The following MDC1 variants were observed in gnomAD, a reference collection of about 807,000 sequenced individuals.
MDC1 encodes the protein mediator of DNA damage checkpoint protein 1.
Under a neutral mutation model 142.5 loss-of-function variants are expected in MDC1, and 81 were observed. That is an observed-to-expected ratio of 0.57 (90% CI 0.47 to 0.68). The LOEUF (loss-of-function observed/expected upper bound fraction) is 0.68, where lower values mean the gene tolerates loss of function less well. Among genes scored for constraint, MDC1 ranks in the 30% least tolerant of loss-of-function variants. MDC1 has a pLI of 0.00. For synonymous variants in MDC1, 797 were observed against 968.4 expected, an observed-to-expected ratio of 0.82 and a Z score of 3.29; for missense variants, 2,119 against 2,547.9, an observed-to-expected ratio of 0.83 and a Z score of 3.62.
chr6:30,706,138 G>T, intron 9 of MDC1, 40 bp from the exon 10 acceptor site: 2 of 1,473,982 alleles, frequency 1.4e-6, no homozygotes, highest in African/African-American at 1.4e-5. Context: ...AGGAGGTGGA[G>T]AAAAGAGATA....
In MDC1 at chr6:30,713,909, CAG is replaced by C; in HGVS notation, c.409_410del (p.Leu137AlafsTer29). 1 of 1,613,622 alleles carries C rather than the reference CAG, an allele frequency of 6.2e-7. No homozygotes were observed. Among genetic ancestry groups the C allele is most frequent in the Non-Finnish European group, 8.5e-7 (1 of 1,180,032 alleles). ...TCAGAGGGCCCCGGGAGACAAAGGG[CAG>C]AGAGACATCCAGGCGATGGTACTGG... ...LCQYHRLDVS[L>X]PFVSRGPLTV... On this transcript the variant is annotated frameshift_variant, in exon 3 of 15. Coordinates refer to ENST00000376406, the MANE Select transcript of MDC1 (RefSeq NM_014641.3). LOFTEE classifies it high-confidence loss of function. The surrounding 1 kb of genome is among the most constrained non-coding windows in gnomAD (Gnocchi z 4.9).
At position 30,712,204 on chromosome 6, in the gene MDC1, C is replaced by G; in HGVS notation, c.1738G>C (p.Asp580His). ...AWPLHGDCET[D>H]AEEGTSLTAS... ...GTTAGGGAGGTGCCCTCCTCTGCAT[C>G]TGTTTCACAGTCCCCATGCAGAGGC... is the stretch of plus-strand genomic sequence containing the variant. Residue 580 changes from aspartate to histidine, a missense_variant, in exon 5 of 15, where the codon GAT (aspartate) becomes CAT (histidine). Asp to His is a moderately conservative substitution (Grantham distance 81, BLOSUM62 -1). Coordinates refer to ENST00000376406, the MANE Select transcript of MDC1 (RefSeq NM_014641.3). The surrounding 1 kb of genome is among the most constrained non-coding windows in gnomAD (Gnocchi z 4.7). The G allele has an allele frequency of 6.2e-7, 1 of 1,612,926 alleles. No individual in the cohort carries two copies. Among genetic ancestry groups the G allele is most frequent in the Non-Finnish European group, 8.5e-7 (1 of 1,179,978 alleles).
chr6:30,705,145 G>A lies in MDC1; in HGVS notation c.4038C>T (p.Pro1346=). The stretch of plus-strand genomic sequence containing the variant: ...TCCTGCTCCTAGTGGTCCGAGATGT[G>A]GGCTTAGGGGTGACAGGTTGGTCTG... ...TSTDQPVTPK[P]TSRTTRSRTN... is the part of the protein sequence containing the mutation. The change falls in exon 10 of 15, where the codon CCC becomes CCT. Residue 1346 remains proline (P), a synonymous_variant. Coordinates refer to ENST00000376406, the MANE Select transcript of MDC1 (RefSeq NM_014641.3). 1 of 1,607,472 alleles carries A rather than the reference G, an allele frequency of 6.2e-7. No individual in the cohort carries two copies. Among genetic ancestry groups the A allele is most frequent in the Non-Finnish European group, 8.5e-7 (1 of 1,177,314 alleles).
rs1425932742 is a variant in MDC1 at position 30,704,801 on chromosome 6, G to T, written c.4382C>A (p.Thr1461Lys). The T allele has an allele frequency of 1.2e-6, 2 of 1,612,434 alleles. No individual in the cohort carries two copies. Among genetic ancestry groups the T allele is most frequent in the Non-Finnish European group, 8.5e-7 (1 of 1,179,388 alleles). Reference sequence around the variant, plus strand: ...AGGCTCAGGGGTAACAGGCTGGTCTGTGGAGGTGGAAGGCTGGAGCTCAGG... The same window carrying T: ...AGGCTCAGGGGTAACAGGCTGGTCTTTGGAGGTGGAAGGCTGGAGCTCAGG... ...TAPELQPSTSTDQPVTPEPTS... is the reference protein window; with the variant it reads ...TAPELQPSTSKDQPVTPEPTS... The change falls in exon 10 of 15, where the codon ACA becomes AAA. Residue 1461 changes from threonine (T) to lysine (K), a missense_variant. Transcript: ENST00000376406.
At position 30,707,597 on chromosome 6, in the gene MDC1, T is replaced by A; in HGVS notation, c.2982A>T (p.Gly994=). The change falls in exon 8 of 15, where the codon GGA becomes GGT. Residue 994 remains glycine, a synonymous_variant. Coordinates refer to ENST00000376406, the MANE Select transcript of MDC1 (RefSeq NM_014641.3). ...GATGCCTCCTGGGGCTCACTGGGGA[T>A]CCCCTTCCACCTGACTGGCTCCCAG... The part of the protein sequence containing the change: ...VPSGSQSGGR[G]SPVSPRRHQK... 1 of 1,612,350 alleles carries A rather than the reference T, an allele frequency of 6.2e-7. No homozygotes were observed. The highest frequency in any genetic ancestry group is 1.1e-5 in the South Asian group (1 of 91,078).
chr6:30,707,720 T>TCCCTCTGGCTCCCC lies in MDC1; in HGVS notation c.2845_2858dup (p.Asp957ArgfsTer46). The stretch of plus-strand genomic sequence containing the variant: ...CCTGCCCTTTCTGGTCCTGGCTCCC[T>TCCCTCTGGCTCCCC]CCCTCTGGCTCCCCTCTCTGTGTAT... On this transcript the variant is annotated frameshift_variant, in exon 8 of 15. Coordinates refer to ENST00000376406, the MANE Select transcript of MDC1 (RefSeq NM_014641.3). LOFTEE classifies it high-confidence loss of function. 6.2e-7 allele frequency: 1 copy of TCCCTCTGGCTCCCC among 1,613,070 alleles called. No homozygotes were observed. The highest frequency in any genetic ancestry group is 8.5e-7 in the Non-Finnish European group (1 of 1,180,026).
At position 30,709,656 on chromosome 6, in the gene MDC1, T is replaced by G. The variant is rs1774520145; in HGVS notation, c.2222-1299A>C. 6.6e-6 allele frequency among the ~76,000 whole-genome samples: 1 copy of G among 152,214 alleles called. No homozygotes were observed. The highest frequency in any genetic ancestry group is 1.5e-5 in the Non-Finnish European group (1 of 68,040). On this transcript the variant is annotated intron_variant, in intron 7 of 14. Transcript: ENST00000376406. This position sits in a 1 kb window ranked among gnomAD's most constrained non-coding sequence, Gnocchi z 4.2. ...TTGTATTCATTAACCAACCTCTTTA[T>G]GCATTCTGTCCCTCTACCCTTCCTA...
Position 30,712,117 on chromosome 6 carries a change from C to T in MDC1, c.1825G>A (p.Glu609Lys), listed in dbSNP as rs763544794. Residue 609 changes from glutamate (E) to lysine (K), a missense_variant, in exon 5 of 15, where the codon GAG (glutamate) becomes AAG (lysine). Physicochemically the swap from Glu to Lys is moderately conservative, Grantham distance 56. Transcript: ENST00000376406. This position sits in a 1 kb window ranked among gnomAD's most constrained non-coding sequence, Gnocchi z 4.7. ...QLPAEGDAGA[E>K]WAAAVLKQER... is the part of the protein sequence containing the mutation. ...TGCTTAAGAACAGCTGCAGCCCACT[C>T]TGCCCCAGCATCCCCTTCTGCTGGA... is the stretch of plus-strand genomic sequence containing the variant. 7 of 1,607,412 alleles carry T rather than the reference C, an allele frequency of 4.4e-6. No homozygotes were observed. The East Asian group carries it at 1.6e-4, about 36-fold the overall frequency.
Position 30,712,579 on chromosome 6 carries a change from T to C in MDC1, c.1363A>G (p.Thr455Ala). The C allele has an allele frequency of 6.2e-7, 1 of 1,613,086 alleles. No individual in the cohort carries two copies. The highest frequency in any genetic ancestry group is 8.5e-7 in the Non-Finnish European group (1 of 1,180,036). The change falls in exon 5 of 15, where the codon ACA (threonine) becomes GCA (alanine). Residue 455 changes from threonine to alanine, a missense_variant. Transcript: ENST00000376406. This position sits in a 1 kb window ranked among gnomAD's most constrained non-coding sequence, Gnocchi z 4.7. Reference sequence around the variant, plus strand: ...GGGAGCTCTTCCTCCTCCACGTCTGTGTCACTGTCTCTCTCAGTGGTGGTT... The same window carrying C: ...GGGAGCTCTTCCTCCTCCACGTCTGCGTCACTGTCTCTCTCAGTGGTGGTT... ...SQTTTERDSD[T>A]DVEEEELPVE...
Position 30,704,030 on chromosome 6 carries a change from G to A in MDC1, c.5153C>T (p.Pro1718Leu), listed in dbSNP as rs61743771. ...QPISPEPITQ[P>L]SCIKRQRAAG... Reference sequence around the variant, plus strand: ...GGCTCTCTGCCTCTTGATGCAACTGGGTTGAGTAATAGGCTCAGGGGAAAT... The same window carrying A: ...GGCTCTCTGCCTCTTGATGCAACTGAGTTGAGTAATAGGCTCAGGGGAAAT... Residue 1718 changes from proline (P) to leucine (L), a missense_variant, in exon 10 of 15, where the codon CCC (proline) becomes CTC (leucine). By Grantham distance (98) the Pro-to-Leu change is moderately conservative (BLOSUM62 -3). Transcript: ENST00000376406. 2,558 of 1,614,176 alleles carry A rather than the reference G, an allele frequency of 1.6e-3. 34 individuals carry two copies. In the African/African-American group the frequency reaches 0.031, roughly 19 times the overall value.
rs1371527070 is a variant in MDC1, at chr6:30,716,107, A to C, written c.-3-929T>G. On this transcript the variant is annotated intron_variant, in intron 1 of 14. Coordinates refer to ENST00000376406, the MANE Select transcript of MDC1 (RefSeq NM_014641.3). The surrounding 1 kb of genome is among the most constrained non-coding windows in gnomAD (Gnocchi z 4.4). ...CAGACATTTTCCCCAGTCTTCGAAC[A>C]CACTGTTCTTGTCTTCCCACATCTT... 6.6e-6 allele frequency among the ~76,000 whole-genome samples: 1 copy of C among 152,208 alleles called. No homozygotes were observed. Among genetic ancestry groups the C allele is most frequent in the Non-Finnish European group, 1.5e-5 (1 of 68,042 alleles).
Position 30,704,635 on chromosome 6 carries a change from C to T in MDC1, c.4548G>A (p.Arg1516=), listed in dbSNP as rs1205871512. The T allele has an allele frequency of 6.2e-7, 1 of 1,609,358 alleles. No homozygotes were observed. The highest frequency in any genetic ancestry group is 8.5e-7 in the Non-Finnish European group (1 of 1,178,184). Residue 1516 remains arginine (R), a synonymous_variant, in exon 10 of 15, where the codon AGG becomes AGA. Transcript: ENST00000376406. Reference sequence around the variant, plus strand: ...TGACAGAGGACCGATTTTTTCTTCCCCTAGTGGTCCGAGATGTGGGCTCAG... The same window carrying T: ...TGACAGAGGACCGATTTTTTCTTCCTCTAGTGGTCCGAGATGTGGGCTCAG... ...VTSEPTSRTT[R]GRKNRSSVKT... is the part of the protein sequence containing the mutation.
Position 30,711,741 on chromosome 6 carries a change from A to G in MDC1, c.2069-15T>C. 1 of 1,607,432 alleles carries G rather than the reference A, an allele frequency of 6.2e-7. No homozygotes were observed. Among genetic ancestry groups the G allele is most frequent in the Non-Finnish European group, 8.5e-7 (1 of 1,177,680 alleles). On this transcript the variant is annotated splice_polypyrimidine_tract_variant and intron_variant, in intron 5 of 14. Coordinates refer to ENST00000376406, the MANE Select transcript of MDC1 (RefSeq NM_014641.3). ...ATCTTCAGAATCTGGTCGGGGAGGA[A>G]TATAAGACAGTTTAAAACAAAAATC...
Position 30,712,418 on chromosome 6 carries a change from G to A in MDC1, c.1524C>T (p.Ile508=). The A allele has an allele frequency of 1.2e-6, 2 of 1,612,894 alleles. No homozygotes were observed. The highest frequency in any genetic ancestry group is 2.2e-5 in the East Asian group (1 of 44,898). Residue 508 remains isoleucine (I), a synonymous_variant, in exon 5 of 15, where the codon ATC becomes ATT. Transcript: ENST00000376406. This position sits in a 1 kb window ranked among gnomAD's most constrained non-coding sequence, Gnocchi z 4.7. The stretch of plus-strand genomic sequence containing the variant: ...TGGAGGCTTGGCTTCTCTCCAGGTG[G>A]ATCCCAGGTGAGCTCTTATCTGCTT... ...SVEADKSSPG[I]HLERSQASTT... is the part of the protein sequence containing the mutation.
intron 14 of MDC1, among the ~76,000 whole-genome samples, 188 bp from the exon 15 acceptor site, chr6:30,700,820 C>T (rs1772499742): frequency 6.7e-6 from 1 of 149,040 alleles, no homozygotes; most frequent in African/African-American, 2.5e-5. Context: ...TGTAATTACA[C>T]AGCACTTTGG....
In MDC1 at chr6:30,704,302, C is replaced by G; in HGVS notation, c.4881G>C (p.Gln1627His). 1 of 1,613,130 alleles carries G rather than the reference C, an allele frequency of 6.2e-7. No homozygotes were observed. The highest frequency in any genetic ancestry group is 1.1e-5 in the South Asian group (1 of 90,970). ...TAGATGTGAGCTTGGGGGTGACAGG[C>G]TGGTCTGTGGAGGTGGTAGGATGGG... ...PEPHPTTSTD[Q>H]PVTPKLTSRA... Residue 1627 changes from glutamine to histidine, a missense_variant, in exon 10 of 15, where the codon CAG (glutamine) becomes CAC (histidine). Transcript: ENST00000376406.
intron 7 of MDC1, among the ~76,000 whole-genome samples, chr6:30,710,223 G>C (rs558822773): frequency 6.6e-6 from 1 of 150,774 alleles, no homozygotes; most frequent in South Asian, 2.1e-4. Flanking sequence ...CGAGTAGCTG[G>C]GACTACAGGC....
rs768492451 is a variant in MDC1, at chr6:30,712,568, C to T, written c.1374G>A (p.Glu458=). The T allele has an allele frequency of 1.9e-6, 3 of 1,613,062 alleles. No individual in the cohort carries two copies. Among genetic ancestry groups the T allele is most frequent in the East Asian group, 2.2e-5 (1 of 44,890 alleles). ...TATTTTCCACTGGGAGCTCTTCCTC[C>T]TCCACGTCTGTGTCACTGTCTCTCT... The part of the protein sequence containing the change: ...TTERDSDTDV[E]EEELPVENRE... Residue 458 remains glutamate, a synonymous_variant, in exon 5 of 15, where the codon GAG becomes GAA. Coordinates refer to ENST00000376406, the MANE Select transcript of MDC1 (RefSeq NM_014641.3). This position sits in a 1 kb window ranked among gnomAD's most constrained non-coding sequence, Gnocchi z 4.7.
At position 30,712,201 on chromosome 6, in the gene MDC1, C is replaced by T; in HGVS notation, c.1741G>A (p.Ala581Thr). 1.9e-6 allele frequency: 3 copies of T among 1,612,942 alleles called. No homozygotes were observed. The African/African-American group carries it at 4.0e-5, about 21-fold the overall frequency. ...WPLHGDCETD[A>T]EEGTSLTASV... Reference sequence around the variant, plus strand: ...GCTGTTAGGGAGGTGCCCTCCTCTGCATCTGTTTCACAGTCCCCATGCAGA... The same window carrying T: ...GCTGTTAGGGAGGTGCCCTCCTCTGTATCTGTTTCACAGTCCCCATGCAGA... The change falls in exon 5 of 15, where the codon GCA (alanine) becomes ACA (threonine). Residue 581 changes from alanine to threonine, a missense_variant. Coordinates refer to ENST00000376406, the MANE Select transcript of MDC1 (RefSeq NM_014641.3). This position sits in a 1 kb window ranked among gnomAD's most constrained non-coding sequence, Gnocchi z 4.7.
Sources: allele counts gnomAD v4.1 joint callset (sites outside exome capture counted in the v4.1 genomes callset), GRCh38; gene constraint gnomAD v4.1.1; non-coding constraint Gnocchi (gnomAD v3.1); transcripts MANE v1.5; gene names NCBI Gene and HGNC (gene_info 2026-07-23, HGNC 2026-07-21).